TMEFF2: variants seen among roughly 807,000 people sequenced by gnomAD.
TMEFF2 encodes the protein tomoregulin-2.
TMEFF2 carries 28 observed loss-of-function variants against 53.8 expected under a neutral mutation model. That is an observed-to-expected ratio of 0.52 (90% CI 0.39 to 0.71). The LOEUF (loss-of-function observed/expected upper bound fraction) is 0.71. TMEFF2 is among the 30% of genes least tolerant of loss of function. The pLI is 0.00. For synonymous variants in TMEFF2, 162 were observed against 166.3 expected (o/e 0.97, Z 0.20); for missense variants, 353 against 455.2 (o/e 0.78, Z 2.04).
chr2:192,167,934 G>GTT (rs1159099096), intron 4 of TMEFF2, among the ~76,000 whole-genome samples: 2 of 152,124 alleles, frequency 1.3e-5, no homozygotes, highest in Non-Finnish European at 2.9e-5. Flanking sequence ...TTCCCTGACA[G>GTT]TTCATTCATT....
At chr2:191,969,877 G>A (rs1275546658) in intron 7 of TMEFF2, among the ~76,000 whole-genome samples, 2 of 152,152 alleles carry the variant, frequency 1.3e-5, no homozygotes, top group Non-Finnish European at 2.9e-5. Context: ...CATGTTAAAT[G>A]AGCATTCTAA....
chr2:192,007,098 A>C (rs906754862), intron 5 of TMEFF2, among the ~76,000 whole-genome samples: 2 of 152,202 alleles, frequency 1.3e-5, no homozygotes, highest in Non-Finnish European at 2.9e-5. Context: ...CTCCAGCCAC[A>C]TCTTTTTTCC....
chr2:191,973,023 G>C (rs914687050), intron 7 of TMEFF2, among the ~76,000 whole-genome samples: 6 of 152,198 alleles, frequency 3.9e-5, no homozygotes, highest in Admixed American at 2.0e-4. Context: ...GATATCTAAA[G>C]TAGGAGGAAG....
intron 4 of TMEFF2, among the ~76,000 whole-genome samples, chr2:192,079,800 CAT>C (rs994628901): frequency 5.7e-4 from 87 of 152,222 alleles, no homozygotes; most frequent in African/African-American, 2.0e-3. Flanking sequence ...ATAACCCAAA[CAT>C]GTGTATTGCT....
intron 7 of TMEFF2, among the ~76,000 whole-genome samples, chr2:191,973,917 C>A (rs1324512205): frequency 5.3e-5 from 8 of 152,176 alleles, no homozygotes; most frequent in Admixed American, 5.2e-4. Flanking sequence ...TGTCTACTTT[C>A]CCTTCCACCA....
intron 7 of TMEFF2, among the ~76,000 whole-genome samples, chr2:191,984,119 TTTA>T (rs1191052509): frequency 6.6e-6 from 1 of 152,046 alleles, no homozygotes; most frequent in African/African-American, 2.4e-5. Context: ...CTTTTTTTCT[TTTA>T]TTTTTCTTTT....
At chr2:191,989,566 A>G in intron 7 of TMEFF2, among the ~76,000 whole-genome samples, 1 of 152,148 alleles carries the variant, frequency 6.6e-6, no homozygotes, top group Middle Eastern at 3.2e-3. Context: ...AAGAGAAAAC[A>G]CTGGTCAGAG....
At chr2:192,029,616 A>C (rs1687064108) in intron 5 of TMEFF2, among the ~76,000 whole-genome samples, 1 of 152,200 alleles carries the variant, frequency 6.6e-6, no homozygotes, top group African/African-American at 2.4e-5. Flanking sequence ...AACATTTCCC[A>C]AACCACTTTC....
intron 5 of TMEFF2, among the ~76,000 whole-genome samples, chr2:192,002,645 C>T (rs1686395667): frequency 6.6e-6 from 1 of 152,202 alleles, no homozygotes; most frequent in Non-Finnish European, 1.5e-5. Flanking sequence ...GCCTGGCCGA[C>T]ACGGTGAAAG....
intron 5 of TMEFF2, among the ~76,000 whole-genome samples, chr2:192,047,278 A>G (rs999123377): frequency 3.3e-5 from 5 of 152,186 alleles, no homozygotes; most frequent in Non-Finnish European, 5.9e-5. Flanking sequence ...ATGTGAAGCT[A>G]ATATTTTATT....
At chr2:192,066,329 A>AC (rs1688169171) in intron 4 of TMEFF2, among the ~76,000 whole-genome samples, 2 of 151,848 alleles carry the variant, frequency 1.3e-5, no homozygotes, top group Admixed American at 1.3e-4. Context: ...TAAAAAATCT[A>AC]TCACCACTGA....
intron 4 of TMEFF2, among the ~76,000 whole-genome samples, chr2:192,101,854 T>C (rs1447316176): frequency 6.6e-6 from 1 of 152,158 alleles, no homozygotes; most frequent in Admixed American, 6.5e-5. Flanking sequence ...GACAGTCAGG[T>C]CCACAAAAAC....
intron 2 of TMEFF2, among the ~76,000 whole-genome samples, chr2:192,190,241 C>T (rs1021959890): frequency 3.3e-5 from 5 of 151,786 alleles, no homozygotes. Flanking sequence ...ATCTTAGAAC[C>T]ATGGCTTTAC....
intron 4 of TMEFF2, among the ~76,000 whole-genome samples, chr2:192,152,061 C>A (rs1263774596): frequency 1.3e-5 from 2 of 151,664 alleles, no homozygotes; most frequent in African/African-American, 2.4e-5. Flanking sequence ...AGGTGGTAAT[C>A]CGGAGATGAA....
At chr2:192,061,166 A>G (rs1245712517) in intron 4 of TMEFF2, among the ~76,000 whole-genome samples, 1 of 152,154 alleles carries the variant, frequency 6.6e-6, no homozygotes, top group Non-Finnish European at 1.5e-5. Flanking sequence ...TGTGACTCTT[A>G]TAATATTCTT....
chr2:192,132,144 T>C (rs1689852062), intron 4 of TMEFF2, among the ~76,000 whole-genome samples: 1 of 152,136 alleles, frequency 6.6e-6, no homozygotes, highest in South Asian at 2.1e-4. Flanking sequence ...TTCCTCAGCC[T>C]CCGCTCCTCC....
intron 7 of TMEFF2, among the ~76,000 whole-genome samples, chr2:191,991,695 A>C (rs1326524255): frequency 6.6e-6 from 1 of 152,126 alleles, no homozygotes; most frequent in Admixed American, 6.6e-5. Flanking sequence ...TAACACTGCA[A>C]GGTGAACGAT....
intron 4 of TMEFF2, among the ~76,000 whole-genome samples, chr2:192,128,350 TGACA>T (rs1689728457): frequency 1.3e-5 from 2 of 152,342 alleles, no homozygotes; most frequent in South Asian, 2.1e-4. Context: ...ATTAGACTAT[TGACA>T]AACAAAATAT....
rs549549638 is a variant in TMEFF2 at position 192,121,193 on chromosome 2, G to A, written c.439+58475C>T. On this transcript the variant is annotated intron_variant, in intron 4 of 9. Transcript: ENST00000272771. ...AGGTAATTCTAACAACACAATCAGC[G>A]CTAAGAAGATAGAAGCAAAATGTGC... is the stretch of plus-strand genomic sequence containing the variant. Among the ~76,000 whole-genome samples, 13 of 152,246 alleles carry A rather than the reference G, an allele frequency of 8.5e-5. No homozygotes were observed. In the South Asian group the frequency reaches 2.1e-3, roughly 24 times the overall value.
Sources: gnomAD v4.1 joint callset for allele counts (sites outside exome capture counted in the v4.1 genomes callset) on GRCh38, gnomAD v4.1.1 for gene constraint, MANE v1.5 for transcripts, NCBI Gene and HGNC (gene_info 2026-07-23, HGNC 2026-07-21) for gene names.